JAKMIP1: variants seen among roughly 807,000 people sequenced by gnomAD.
The protein encoded by JAKMIP1 is janus kinase and microtubule-interacting protein 1.
Under a neutral mutation model 113.0 loss-of-function variants are expected in JAKMIP1, and 33 were observed. The observed-to-expected ratio is 0.29, with a 90% CI of 0.22 to 0.39. The LOEUF is 0.39. Ranked by LOEUF, JAKMIP1 falls within the 10% of genes least tolerant of loss-of-function variation. The pLI is 1.00. For missense variants in JAKMIP1, 813 were observed against 1,080.5 expected, an observed-to-expected ratio of 0.75 and a Z score of 3.47; for synonymous variants, 480 against 459.9, an observed-to-expected ratio of 1.04 and a Z score of -0.56.
rs1714428722 is a variant in JAKMIP1, at chr4:6,108,997, A to G, written c.130-3030T>C. Among the ~76,000 whole-genome samples, 1 of 152,158 alleles carries G rather than the reference A, an allele frequency of 6.6e-6. No homozygotes were observed. The highest frequency in any genetic ancestry group is 1.5e-5 in the Non-Finnish European group (1 of 68,030). ...TAGAAACAATGACACCGCAGCAGTG[A>G]TGGGCACGCCTGGTGCCTGGATCTT... is the stretch of plus-strand genomic sequence containing the variant. On this transcript the variant is annotated intron_variant, in intron 2 of 20. Coordinates refer to ENST00000409021, the MANE Select transcript of JAKMIP1 (RefSeq NM_001099433.2). This position sits in a 1 kb window ranked among gnomAD's most constrained non-coding sequence, Gnocchi z 5.6.
intron 1 of JAKMIP1, among the ~76,000 whole-genome samples, chr4:6,189,714 G>T (rs1727031253): frequency 6.6e-6 from 1 of 152,184 alleles, no homozygotes; most frequent in Non-Finnish European, 1.5e-5. Context: ...GGTGGCGTAG[G>T]GCAGTGAGGG....
Position 6,049,571 on chromosome 4 carries a change from G to A in JAKMIP1, c.1962+248C>T, listed in dbSNP as rs1371274651. 6.6e-6 allele frequency among the ~76,000 whole-genome samples: 1 copy of A among 151,968 alleles called. No homozygotes were observed. The highest frequency in any genetic ancestry group is 1.5e-5 in the Non-Finnish European group (1 of 68,012). Reference sequence around the variant, plus strand: ...TGTGACTCCACCTGCATTCTGGGTAGGGATTCTGAGGCTTTCCCGTCCCCT... The same window carrying A: ...TGTGACTCCACCTGCATTCTGGGTAAGGATTCTGAGGCTTTCCCGTCCCCT... On this transcript the variant is annotated intron_variant, in intron 15 of 20. Coordinates refer to ENST00000409021, the MANE Select transcript of JAKMIP1 (RefSeq NM_001099433.2). The surrounding 1 kb of genome is among the most constrained non-coding windows in gnomAD (Gnocchi z 7.0).
At chr4:6,125,922 TGCAGAA>T in intron 1 of JAKMIP1, among the ~76,000 whole-genome samples, 1 of 96,932 alleles carries the variant, frequency 1.0e-5, no homozygotes, top group Non-Finnish European at 1.9e-5. Flanking sequence ...ATACACACCA[TGCAGAA>T]ACACACACAC....
At chr4:6,145,032 G>A (rs2108969377) in intron 1 of JAKMIP1, among the ~76,000 whole-genome samples, 1 of 152,310 alleles carries the variant, frequency 6.6e-6, no homozygotes, top group Non-Finnish European at 1.5e-5. Context: ...CAGCAATGTG[G>A]CAGGATACAA....
At position 6,184,812 on chromosome 4, in the gene JAKMIP1, C is replaced by G. The variant is rs1203896322; in HGVS notation, c.-148+15441G>C. The stretch of plus-strand genomic sequence containing the variant: ...TGTTCCTGAGTGTGTCTGTGAGGAT[C>G]TTACCAAAGGAGATTCACATTTCAG... On this transcript the variant is annotated intron_variant, in intron 1 of 20. Coordinates refer to ENST00000409021, the MANE Select transcript of JAKMIP1 (RefSeq NM_001099433.2). The surrounding 1 kb of genome is among the most constrained non-coding windows in gnomAD (Gnocchi z 4.5). Among the ~76,000 whole-genome samples, 2 of 152,216 alleles carry G rather than the reference C, an allele frequency of 1.3e-5. No homozygotes were observed. Among genetic ancestry groups the G allele is most frequent in the Non-Finnish European group, 1.5e-5 (1 of 68,046 alleles).
chr4:6,135,736 C>G lies in JAKMIP1; in HGVS notation c.-147-22739G>C, dbSNP rs995945923. On this transcript the variant is annotated intron_variant, in intron 1 of 20. Transcript: ENST00000409021. The surrounding 1 kb of genome is among the most constrained non-coding windows in gnomAD (Gnocchi z 4.9). ...AGAGGCTCTGAGAGCCACAGCCAGC[C>G]TGGACTTGAACCCAAGCCTTCTAAG... Among the ~76,000 whole-genome samples, 1 of 152,218 alleles carries G rather than the reference C, an allele frequency of 6.6e-6. No individual in the cohort carries two copies. Among genetic ancestry groups the G allele is most frequent in the African/African-American group, 2.4e-5 (1 of 41,456 alleles).
rs915798585 is a variant in JAKMIP1 at position 6,154,617 on chromosome 4, A to C, written c.-147-41620T>G. On this transcript the variant is annotated intron_variant, in intron 1 of 20. Coordinates refer to ENST00000409021, the MANE Select transcript of JAKMIP1 (RefSeq NM_001099433.2). This position sits in a 1 kb window ranked among gnomAD's most constrained non-coding sequence, Gnocchi z 4.2. ...TTAGCAAGGCTTCCAAGAGCCCAAC[A>C]CGCACAGCCCACTGCACGCAGGGAC... is the stretch of plus-strand genomic sequence containing the variant. 2.0e-5 allele frequency among the ~76,000 whole-genome samples: 3 copies of C among 151,942 alleles called. No individual in the cohort carries two copies. The highest frequency in any genetic ancestry group is 7.3e-5 in the African/African-American group (3 of 41,336).
At chr4:6,033,825 T>C (rs548373531) in intron 19 of JAKMIP1, among the ~76,000 whole-genome samples, 1 of 152,352 alleles carries the variant, frequency 6.6e-6, no homozygotes, top group African/African-American at 2.4e-5. Flanking sequence ...AATACTCTTT[T>C]GAAAATACCA....
At position 6,139,227 on chromosome 4, in the gene JAKMIP1, G is replaced by T. The variant is rs979242318; in HGVS notation, c.-147-26230C>A. On this transcript the variant is annotated intron_variant, in intron 1 of 20. Coordinates refer to ENST00000409021, the MANE Select transcript of JAKMIP1 (RefSeq NM_001099433.2). The surrounding 1 kb of genome is among the most constrained non-coding windows in gnomAD (Gnocchi z 5.2). ...CCAGAAACTTTCACTATTTAAAAGG[G>T]TTCTGCCCCAGTTAAAAAGCATTTG... 6.6e-6 allele frequency among the ~76,000 whole-genome samples: 1 copy of T among 152,034 alleles called. No individual in the cohort carries two copies. The highest frequency in any genetic ancestry group is 1.5e-5 in the Non-Finnish European group (1 of 68,030).
chr4:6,058,953 A>C (rs1469309174), intron 11 of JAKMIP1, among the ~76,000 whole-genome samples: 4 of 151,864 alleles, frequency 2.6e-5, no homozygotes, highest in Non-Finnish European at 5.9e-5. Context: ...TGCCCCAGCT[A>C]CTCCTGGGTT....
At chr4:6,177,522 T>C (rs984989795) in intron 1 of JAKMIP1, among the ~76,000 whole-genome samples, 5 of 152,182 alleles carry the variant, frequency 3.3e-5, no homozygotes, top group Non-Finnish European at 5.9e-5. Flanking sequence ...AGAAAGAGCC[T>C]GGGCTTCCCT....
rs192550272 is a variant in JAKMIP1 at position 6,109,380 on chromosome 4, G to A, written c.129+3342C>T. On this transcript the variant is annotated intron_variant, in intron 2 of 20. Transcript: ENST00000409021. ...GATCTCCTGACCTCATTATCCGCCCGCCTTGGCCTCCCAAAGTGCTGAGAT... is the reference window on the plus strand; with the variant it reads ...GATCTCCTGACCTCATTATCCGCCCACCTTGGCCTCCCAAAGTGCTGAGAT... 3.1e-4 allele frequency among the ~76,000 whole-genome samples: 47 copies of A among 151,798 alleles called. No individual in the cohort carries two copies. In the East Asian group the frequency reaches 4.5e-3, roughly 14 times the overall value.
At chr4:6,147,410 G>C (rs997475551) in intron 1 of JAKMIP1, among the ~76,000 whole-genome samples, 1 of 152,212 alleles carries the variant, frequency 6.6e-6, no homozygotes, top group Non-Finnish European at 1.5e-5. Context: ...GGAAACATGG[G>C]AGAATGTCTG....
chr4:6,128,530 A>G lies in JAKMIP1; in HGVS notation c.-147-15533T>C, dbSNP rs577085991. On this transcript the variant is annotated intron_variant, in intron 1 of 20. Coordinates refer to ENST00000409021, the MANE Select transcript of JAKMIP1 (RefSeq NM_001099433.2). ...GGGAAATTTGTCCCCACAACAGGAG[A>G]CCCAGCTGGTCTTCAATGTGCTTCT... Among the ~76,000 whole-genome samples, 9 of 151,838 alleles carry G rather than the reference A, an allele frequency of 5.9e-5. No individual in the cohort carries two copies. In the South Asian group the frequency reaches 6.3e-4, roughly 11 times the overall value.
intron 1 of JAKMIP1, among the ~76,000 whole-genome samples, chr4:6,191,542 C>T (rs1047179444): frequency 6.6e-6 from 1 of 152,228 alleles, no homozygotes; most frequent in African/African-American, 2.4e-5. Flanking sequence ...TGTCATCAGG[C>T]TGAGCTTCTT....
At position 6,194,451 on chromosome 4, in the gene JAKMIP1, C is replaced by T. The variant is rs1727631115; in HGVS notation, c.-148+5802G>A. 1 of 152,108 alleles carries T rather than the reference C, an allele frequency of 6.6e-6. No individual in the cohort carries two copies. Among genetic ancestry groups the T allele is most frequent in the African/African-American group, 2.4e-5 (1 of 41,392 alleles). 9.4% of individuals were successfully genotyped at this position (152,108 alleles called of 1,614,324 possible). ...GGATAGGGTGAGAGAAGACAGGAGA[C>T]AGAAGCTCCAAGGGTAAAAGATAGT... is the stretch of plus-strand genomic sequence containing the variant. On this transcript the variant is annotated intron_variant, in intron 1 of 20. Coordinates refer to ENST00000409021, the MANE Select transcript of JAKMIP1 (RefSeq NM_001099433.2). This position sits in a 1 kb window ranked among gnomAD's most constrained non-coding sequence, Gnocchi z 7.4.
chr4:6,035,411 A>T (rs990620243), intron 19 of JAKMIP1, among the ~76,000 whole-genome samples: 1 of 152,124 alleles, frequency 6.6e-6, no homozygotes, highest in Non-Finnish European at 1.5e-5. Context: ...TTCCTCGTCA[A>T]TCAGGAGTCA....
Position 6,064,937 on chromosome 4 carries a change from G to A in JAKMIP1, c.1374C>T (p.Ser458=). 6.2e-7 allele frequency: 1 copy of A among 1,614,106 alleles called. No homozygotes were observed. The highest frequency in any genetic ancestry group is 8.5e-7 in the Non-Finnish European group (1 of 1,180,002). The change falls in exon 9 of 21, where the codon TCC becomes TCT. Residue 458 remains serine, a synonymous_variant. Coordinates refer to ENST00000409021, the MANE Select transcript of JAKMIP1 (RefSeq NM_001099433.2). The surrounding 1 kb of genome is among the most constrained non-coding windows in gnomAD (Gnocchi z 4.3). ...TCCTGTCTGTCCTGTCTGTGTTGTA[G>A]GATGTTTCGGACAACGTTTCTGAGT... ...SVDSETLSET[S]YNTDRTDRTP... is the part of the protein sequence containing the mutation.
At chr4:6,026,960 G>A (rs1711928456) in intron 20 of JAKMIP1, among the ~76,000 whole-genome samples, 1 of 150,376 alleles carries the variant, frequency 6.6e-6, no homozygotes, top group Admixed American at 6.6e-5. Flanking sequence ...GTGGCCCAGG[G>A]AAGTCAAAGG....
Sources: gnomAD v4.1 joint callset for allele counts (sites outside exome capture counted in the v4.1 genomes callset) on GRCh38, gnomAD v4.1.1 for gene constraint, Gnocchi (gnomAD v3.1) non-coding constraint, MANE v1.5 for transcripts, NCBI Gene and HGNC (gene_info 2026-07-23, HGNC 2026-07-21) for gene names.